Variants in ATP13A3 observed in about 807,000 individuals in gnomAD.
The protein encoded by ATP13A3 is ATPase 13A3, also known as polyamine-transporting ATPase 13A3.
ATP13A3 carries 59 observed loss-of-function variants against 158.1 expected under a neutral mutation model. The ratio of observed to expected loss-of-function variants is 0.37; its 90% CI spans 0.30 to 0.46. ATP13A3 has a LOEUF of 0.46. Among genes scored for constraint, ATP13A3 ranks in the 20% least tolerant of loss-of-function variants. The pLI, the probability that ATP13A3 is intolerant of heterozygous loss-of-function variation, is 1.00. For synonymous variants in ATP13A3, 491 were observed against 504.3 expected (o/e 0.97, Z 0.35); for missense variants, 1,166 against 1,525.2 (o/e 0.76, Z 3.92).
intron 15 of ATP13A3, 80 bp from the exon 16 acceptor site, chr3:194,441,541 TAATTAAAAA>T: frequency 7.7e-7 from 1 of 1,304,060 alleles, no homozygotes; most frequent in Non-Finnish European, 1.1e-6. Flanking sequence ...TCTGGTTTTG[TAATTAAAAA>T]AAAAATCTTT....
intron 31 of ATP13A3, among the ~76,000 whole-genome samples, 171 bp from the exon 32 acceptor site, chr3:194,414,010 G>T (rs1187763104): frequency 2.0e-5 from 3 of 152,016 alleles, no homozygotes; most frequent in Non-Finnish European, 2.9e-5. Flanking sequence ...TTCCCTTTCA[G>T]ATGATAAAAC....
chr3:194,487,293 GACA>G (rs1386569498), upstream of ATP13A3, among the ~76,000 whole-genome samples: 4 of 152,178 alleles, frequency 2.6e-5, no homozygotes, highest in African/African-American at 9.6e-5. Context: ...TTTGGGCTAT[GACA>G]ACATCATAGT....
At chr3:194,474,179 T>C (rs1210092868) in intron 2 of ATP13A3, among the ~76,000 whole-genome samples, 1 of 152,122 alleles carries the variant, frequency 6.6e-6, no homozygotes, top group Non-Finnish European at 1.5e-5. Flanking sequence ...CGGGTTTTTT[T>C]AAGAGATGGG....
intron 6 of ATP13A3, among the ~76,000 whole-genome samples, chr3:194,457,445 T>C (rs1577075923): frequency 1.3e-5 from 2 of 152,234 alleles, no homozygotes; most frequent in African/African-American, 4.8e-5. Flanking sequence ...CTCAAATTTA[T>C]ATAATAATAT....
At chr3:194,427,723 A>G (rs924302410) in intron 28 of ATP13A3, among the ~76,000 whole-genome samples, 6 of 151,636 alleles carry the variant, frequency 4.0e-5, no homozygotes, top group Non-Finnish European at 8.8e-5. Flanking sequence ...TATAAACACA[A>G]TAACTATAAA....
chr3:194,462,925 T>G (rs917018945), intron 2 of ATP13A3, among the ~76,000 whole-genome samples: 1 of 152,086 alleles, frequency 6.6e-6, no homozygotes, highest in South Asian at 2.1e-4. Flanking sequence ...ACTAACAGAG[T>G]CTTCCTTTTT....
Position 194,460,751 on chromosome 3 carries a change from G to A in ATP13A3, c.132C>T (p.Leu44=). 1 of 1,614,130 alleles carries A rather than the reference G, an allele frequency of 6.2e-7. No individual in the cohort carries two copies. Among genetic ancestry groups the A allele is most frequent in the Non-Finnish European group, 8.5e-7 (1 of 1,180,008 alleles). Residue 44 remains leucine (L), a synonymous_variant, in exon 4 of 34, where the codon CTC becomes CTT. Transcript: ENST00000645319. ...LGVICSGGFL[L]LLLYWMPEWR... is the part of the protein sequence containing the mutation. ...ACTCAGGCATCCAATAGAGGAGGAG[G>A]AGGAGAAACCCACCAGAGCAAATCA...
At chr3:194,456,025 C>T (rs1560102927) in intron 7 of ATP13A3, 63 bp from the exon 8 acceptor site, 4 of 1,051,704 alleles carry the variant, frequency 3.8e-6, no homozygotes, top group Middle Eastern at 2.1e-4. Context: ...TTACGAAAGG[C>T]ATTGTATTAG....
At chr3:194,447,213 G>T in intron 13 of ATP13A3, 98 bp from the exon 14 acceptor site, 1 of 1,029,214 alleles carries the variant, frequency 9.7e-7, no homozygotes, top group Non-Finnish European at 1.4e-6. Context: ...ATTTTCAATT[G>T]TATATTTCAA....
At chr3:194,407,442 T>G (rs1312525328) in intron 33 of ATP13A3, among the ~76,000 whole-genome samples, 1 of 152,224 alleles carries the variant, frequency 6.6e-6, no homozygotes, top group East Asian at 1.9e-4. Flanking sequence ...CAAAAATACT[T>G]TAAAATTAAA....
intron 2 of ATP13A3, among the ~76,000 whole-genome samples, chr3:194,471,765 A>C (rs1463788564): frequency 2.0e-5 from 3 of 151,842 alleles, no homozygotes; most frequent in Non-Finnish European, 2.9e-5. Context: ...AAAACAAACA[A>C]ACATAAATGA....
Position 194,437,420 on chromosome 3 carries a change from A to G in ATP13A3, c.1890T>C (p.Ser630=). The G allele has an allele frequency of 1.2e-6, 2 of 1,614,252 alleles. No individual in the cohort carries two copies. Among genetic ancestry groups the G allele is most frequent in the Middle Eastern group, 3.3e-4 (2 of 6,062 alleles). ...CAACCACACTCATACGTTGCAAAGCAGAAGAAAATGGGAACTGGCGAACAA... is the reference window on the plus strand; with the variant it reads ...CAACCACACTCATACGTTGCAAAGCGGAAGAAAATGGGAACTGGCGAACAA... The part of the protein sequence containing the change: ...IGIVRQFPFS[S]ALQRMSVVAR... Residue 630 remains serine (S), a synonymous_variant, in exon 19 of 34, where the codon TCT becomes TCC. Coordinates refer to ENST00000645319, the MANE Select transcript of ATP13A3 (RefSeq NM_001367549.1).
intron 3 of ATP13A3, 97 bp from the exon 4 acceptor site, chr3:194,460,928 T>C: frequency 7.8e-7 from 1 of 1,283,868 alleles, no homozygotes; most frequent in Non-Finnish European, 1.1e-6. Flanking sequence ...AGATAGGTAT[T>C]TATTGTCTTG....
chr3:194,441,001 A>T (rs994880519), intron 16 of ATP13A3, among the ~76,000 whole-genome samples: 5 of 152,192 alleles, frequency 3.3e-5, no homozygotes, highest in Admixed American at 2.0e-4. Context: ...GTGTCAGTTG[A>T]GATCATCTTA....
chr3:194,457,143 T>G lies in ATP13A3; in HGVS notation c.511A>C (p.Ile171Leu), dbSNP rs764072939. ...AGTCCTGCACTATGCTTTTCATAAATTGACGTACAAGAAACACCTTCATCC... is the reference window on the plus strand; with the variant it reads ...AGTCCTGCACTATGCTTTTCATAAAGTGACGTACAAGAAACACCTTCATCC... ...GLDEGVSCTSIYEKHSAGLTK... is the reference protein window; with the variant it reads ...GLDEGVSCTSLYEKHSAGLTK... The change falls in exon 7 of 34, where the codon ATT becomes CTT. Residue 171 changes from isoleucine (I) to leucine (L), a missense_variant. Ile to Leu is a conservative substitution (Grantham distance 5, BLOSUM62 2). Coordinates refer to ENST00000645319, the MANE Select transcript of ATP13A3 (RefSeq NM_001367549.1). 5 of 1,613,502 alleles carry G rather than the reference T, an allele frequency of 3.1e-6. No individual in the cohort carries two copies. The highest frequency in any genetic ancestry group is 4.2e-6 in the Non-Finnish European group (5 of 1,179,690).
intron 3 of ATP13A3, among the ~76,000 whole-genome samples, chr3:194,461,418 A>G (rs1719652590): frequency 6.6e-6 from 1 of 152,176 alleles, no homozygotes; most frequent in East Asian, 1.9e-4. Context: ...TCTGTTGCAC[A>G]ATATAATCGA....
chr3:194,422,128 AG>A (rs1483871698), intron 30 of ATP13A3, among the ~76,000 whole-genome samples: 5 of 151,868 alleles, frequency 3.3e-5, no homozygotes, highest in African/African-American at 1.2e-4. Context: ...TTTAGCCTGG[AG>A]GAAAAAAAAA....
chr3:194,423,661 A>G (rs1560076685), intron 30 of ATP13A3, among the ~76,000 whole-genome samples: 1 of 152,244 alleles, frequency 6.6e-6, no homozygotes, highest in Admixed American at 6.5e-5. Context: ...TTTCTGCTAA[A>G]TATAATCTTA....
chr3:194,427,060 G>T lies in ATP13A3; in HGVS notation c.3125+15C>A, dbSNP rs200462830. The stretch of plus-strand genomic sequence containing the variant: ...CATATTTTATATAGATTTTTACATA[G>T]ATTGACCAACTTACTCTGATTTTGG... On this transcript the variant is annotated intron_variant, in intron 29 of 33. Coordinates refer to ENST00000645319, the MANE Select transcript of ATP13A3 (RefSeq NM_001367549.1). 1 of 1,602,138 alleles carries T rather than the reference G, an allele frequency of 6.2e-7. No individual in the cohort carries two copies. The highest frequency in any genetic ancestry group is 8.5e-7 in the Non-Finnish European group (1 of 1,176,248).
Sources: allele counts gnomAD v4.1 joint callset (sites outside exome capture counted in the v4.1 genomes callset), GRCh38; gene constraint gnomAD v4.1.1; transcripts MANE v1.5; gene names NCBI Gene and HGNC (gene_info 2026-07-23, HGNC 2026-07-21).